DOK5: variants seen among roughly 807,000 people sequenced by gnomAD.
DOK5 encodes the protein docking protein 5, also known as downstream of tyrosine kinase 5.
A neutral mutation model predicts 43.3 loss-of-function variants in DOK5; 27 were observed. The ratio of observed to expected loss-of-function variants is 0.62; its 90% CI spans 0.46 to 0.86. DOK5 has a LOEUF of 0.86. Ranked by LOEUF, DOK5 falls within the 40% of genes least tolerant of loss-of-function variation. The pLI is 0.00. For synonymous variants in DOK5, 146 were observed against 140.1 expected, an observed-to-expected ratio of 1.04 and a Z score of -0.30; for missense variants, 373 against 392.9, an observed-to-expected ratio of 0.95 and a Z score of 0.43.
chr20:54,564,155 G>A (rs1270503226), intron 2 of DOK5, among the ~76,000 whole-genome samples: 1 of 152,148 alleles, frequency 6.6e-6, no homozygotes, highest in Non-Finnish European at 1.5e-5. Flanking sequence ...TGGGCACGGT[G>A]GCTCACGCCT....
chr20:54,522,762 A>G (rs1983454955), intron 1 of DOK5, among the ~76,000 whole-genome samples: 1 of 152,000 alleles, frequency 6.6e-6, no homozygotes, highest in Non-Finnish European at 1.5e-5. Context: ...TGATCCACTT[A>G]CCTCGGCCTC....
chr20:54,530,461 A>G (rs2146705344), intron 1 of DOK5, among the ~76,000 whole-genome samples: 1 of 152,270 alleles, frequency 6.6e-6, no homozygotes, highest in East Asian at 1.9e-4. Context: ...ACCTTTAAAG[A>G]AGAAACATTT....
chr20:54,497,201 A>G (rs1982436229), intron 1 of DOK5, among the ~76,000 whole-genome samples: 1 of 152,192 alleles, frequency 6.6e-6, no homozygotes, highest in Non-Finnish European at 1.5e-5. Flanking sequence ...GAAGTTGCGG[A>G]CCATGGCTGG....
chr20:54,518,094 C>G (rs1215241828), intron 1 of DOK5, among the ~76,000 whole-genome samples: 1 of 152,110 alleles, frequency 6.6e-6, no homozygotes, highest in African/African-American at 2.4e-5. Context: ...GTTGCCCCCT[C>G]TGGTAGCTAC....
intron 5 of DOK5, among the ~76,000 whole-genome samples, chr20:54,604,226 A>C (rs1041532132): frequency 6.6e-6 from 1 of 151,734 alleles, no homozygotes; most frequent in African/African-American, 2.4e-5. Context: ...GATTACAGGC[A>C]TGAGCCACCG....
intron 5 of DOK5, among the ~76,000 whole-genome samples, chr20:54,604,257 T>C (rs894248865): frequency 6.6e-6 from 1 of 152,022 alleles, no homozygotes; most frequent in African/African-American, 2.4e-5. Context: ...TCAAACTGTA[T>C]TTTTAGTTTG....
chr20:54,628,543 T>C (rs1394268396), intron 6 of DOK5, among the ~76,000 whole-genome samples: 1 of 149,910 alleles, frequency 6.7e-6, no homozygotes, highest in Non-Finnish European at 1.5e-5. Context: ...TCTGTCTGTA[T>C]GCCCTAAGAA....
intron 5 of DOK5, among the ~76,000 whole-genome samples, chr20:54,600,939 C>G (rs985015561): frequency 2.0e-5 from 3 of 152,154 alleles, no homozygotes; most frequent in Admixed American, 1.3e-4. Context: ...CTTTCTCAGG[C>G]TAAAACCAGT....
At chr20:54,572,724 G>T (rs549591950) in intron 2 of DOK5, among the ~76,000 whole-genome samples, 1 of 152,068 alleles carries the variant, frequency 6.6e-6, no homozygotes, top group African/African-American at 2.4e-5. Context: ...GAACCATATA[G>T]ATCAGATTAT....
chr20:54,644,936 T>G (rs950789452), intron 7 of DOK5, among the ~76,000 whole-genome samples: 2 of 144,878 alleles, frequency 1.4e-5, no homozygotes, highest in Admixed American at 6.8e-5. Flanking sequence ...TTTCATTTCA[T>G]AGTACATAAG....
At chr20:54,600,640 C>T (rs1390508760) in intron 5 of DOK5, among the ~76,000 whole-genome samples, 1 of 152,146 alleles carries the variant, frequency 6.6e-6, no homozygotes, top group Non-Finnish European at 1.5e-5. Flanking sequence ...GGAGCATTGC[C>T]TACCTACATG....
In DOK5 at chr20:54,526,584, CA is replaced by C. The variant is rs1208891355; in HGVS notation, c.67-28347del. ...AACCAAGTGAGTACTTGGCAGAAAC[CA>C]AGTATATGGGATTTTTAAAAACCCC... On this transcript the variant is annotated intron_variant, in intron 1 of 7. Coordinates refer to ENST00000262593, the MANE Select transcript of DOK5 (RefSeq NM_018431.5). 2.6e-5 allele frequency among the ~76,000 whole-genome samples: 4 copies of C among 152,210 alleles called. No homozygotes were observed. The East Asian group carries it at 7.7e-4, about 29-fold the overall frequency.
intron 1 of DOK5, among the ~76,000 whole-genome samples, chr20:54,536,167 A>G (rs761548946): frequency 5.3e-5 from 8 of 152,238 alleles, no homozygotes; most frequent in Non-Finnish European, 1.2e-4. Flanking sequence ...AAGCAAAATA[A>G]TTTAAGGTAT....
At chr20:54,633,856 G>A (rs6023435) in intron 6 of DOK5, among the ~76,000 whole-genome samples, 3,939 of 152,214 alleles carry the variant, frequency 0.026, 165 homozygotes, top group African/African-American at 0.09. Context: ...TCACAAAGAC[G>A]GCATATGGTA....
At chr20:54,609,515 T>C (rs1986575890) in intron 5 of DOK5, among the ~76,000 whole-genome samples, 1 of 151,728 alleles carries the variant, frequency 6.6e-6, no homozygotes. Context: ...CACTAAAATA[T>C]ATATATAGCA....
chr20:54,621,033 T>A (rs1049913049), intron 6 of DOK5, among the ~76,000 whole-genome samples: 2 of 152,196 alleles, frequency 1.3e-5, no homozygotes, highest in African/African-American at 4.8e-5. Context: ...AATGACCACA[T>A]GAAGAGAGTC....
intron 5 of DOK5, among the ~76,000 whole-genome samples, chr20:54,595,988 G>A (rs936175245): frequency 1.3e-5 from 2 of 152,188 alleles, no homozygotes; most frequent in East Asian, 3.8e-4. Flanking sequence ...AGGATGCTGG[G>A]CTTCTCCTAA....
intron 6 of DOK5, among the ~76,000 whole-genome samples, chr20:54,614,289 A>T (rs1400671637): frequency 6.6e-6 from 1 of 152,090 alleles, no homozygotes; most frequent in African/African-American, 2.4e-5. Flanking sequence ...ATGTACTTAG[A>T]AATTCTGGAT....
rs375049476 is a variant in DOK5 at position 54,557,167 on chromosome 20, AT to A, written c.174+2129del. Among the ~76,000 whole-genome samples the A allele has an allele frequency of 2.3e-3, 356 of 152,268 alleles. 4 individuals carry two copies. The highest frequency in any genetic ancestry group is 7.6e-3 in the African/African-American group (314 of 41,552). On this transcript the variant is annotated intron_variant, in intron 2 of 7. Coordinates refer to ENST00000262593, the MANE Select transcript of DOK5 (RefSeq NM_018431.5). Reference sequence around the variant, plus strand: ...CGAAACACTTATATCACATCACGATATTCTTTGCTGCAACACCCTCAGCCAA... The same window carrying A: ...CGAAACACTTATATCACATCACGATATCTTTGCTGCAACACCCTCAGCCAA...
Sources: gnomAD v4.1 joint callset for allele counts (sites outside exome capture counted in the v4.1 genomes callset) on GRCh38, gnomAD v4.1.1 for gene constraint, MANE v1.5 for transcripts, NCBI Gene and HGNC (gene_info 2026-07-23, HGNC 2026-07-21) for gene names.